The following COL20A1 variants were observed in gnomAD, a reference collection of about 807,000 sequenced individuals.
The protein encoded by COL20A1 is collagen type XX alpha 1 chain.
In COL20A1, 164 loss-of-function variants were observed where a neutral mutation model predicts 152.9. The ratio of observed to expected loss-of-function variants is 1.07; its 90% CI spans 0.94 to 1.22. The LOEUF is 1.22. Ranked by LOEUF, COL20A1 falls within the 50% of genes most tolerant of loss-of-function variation. The pLI, the probability that COL20A1 is intolerant of heterozygous loss-of-function variation, is 0.00. For synonymous variants in COL20A1, 864 were observed against 756.0 expected (o/e 1.14, Z -2.34); for missense variants, 1,873 against 1,744.8 (o/e 1.07, Z -1.31).
Position 63,319,954 on chromosome 20 carries a change from C to A in COL20A1, c.2917-85C>A. On this transcript the variant is annotated intron_variant, in intron 23 of 35. Coordinates refer to ENST00000358894, the MANE Select transcript of COL20A1 (RefSeq NM_020882.4). This position sits in a 1 kb window ranked among gnomAD's most constrained non-coding sequence, Gnocchi z 4.4. ...CCCCAGGTCCCAGGGATGGGTGTTA[C>A]TCCCCAGCCCTGGCCTGGCCTTGGG... 2 of 1,284,314 alleles carry A rather than the reference C, an allele frequency of 1.6e-6. No individual in the cohort carries two copies. Among genetic ancestry groups the A allele is most frequent in the Non-Finnish European group, 2.1e-6 (2 of 966,592 alleles). 79.6% of individuals were successfully genotyped at this position (1,284,314 alleles called of 1,614,324 possible).
chr20:63,320,980 T>A (rs1172924653), intron 25 of COL20A1, 33 bp from the exon 26 acceptor site: 5 of 1,475,424 alleles, frequency 3.4e-6, no homozygotes, highest in Non-Finnish European at 4.6e-6. Context: ...AGGGAGAGGG[T>A]CTCTCTAATG....
At chr20:63,310,899 C>T (rs960606154) in intron 11 of COL20A1, among the ~76,000 whole-genome samples, 3 of 152,144 alleles carry the variant, frequency 2.0e-5, no homozygotes, top group Admixed American at 1.3e-4. Context: ...ACACACCATA[C>T]AACCTGCCCA....
Position 63,313,058 on chromosome 20 carries a change from G to GCCC in COL20A1, c.2077-55_2077-53dup. 6.4e-7 allele frequency: 1 copy of GCCC among 1,565,392 alleles called. No individual in the cohort carries two copies. The highest frequency in any genetic ancestry group is 8.7e-7 in the Non-Finnish European group (1 of 1,154,576). On this transcript the variant is annotated intron_variant, in intron 16 of 35. Transcript: ENST00000358894. The surrounding 1 kb of genome is among the most constrained non-coding windows in gnomAD (Gnocchi z 5.9). ...TCTCCCAGGGATGCCTCACTGCCCG[G>GCCC]CCCCCCAACCTGAGGACCCCACTGC... is the stretch of plus-strand genomic sequence containing the variant.
chr20:63,323,133 C>T (rs1947294814), intron 27 of COL20A1, among the ~76,000 whole-genome samples: 1 of 152,284 alleles, frequency 6.6e-6, no homozygotes, highest in South Asian at 2.1e-4. Context: ...ATTTCTCTTC[C>T]AAGCAGCGTG....
chr20:63,321,960 G>A (rs2068170495), intron 26 of COL20A1, 98 bp from the exon 27 acceptor site: 1 of 957,474 alleles, frequency 1.0e-6, no homozygotes, highest in Non-Finnish European at 1.5e-6. Flanking sequence ...GGGGCATGGG[G>A]CTCAGGGTGG....
rs568269179 is a variant in COL20A1, at chr20:63,293,530, G to C, written c.-11+255G>C. On this transcript the variant is annotated intron_variant, in intron 1 of 35. Transcript: ENST00000358894. ...GGTCTCAGACAACATCCAGGGCTGT[G>C]GGGGAACGAGGAGGGTGCACATCGA... is the stretch of plus-strand genomic sequence containing the variant. 3.9e-5 allele frequency among the ~76,000 whole-genome samples: 6 copies of C among 152,262 alleles called. No homozygotes were observed. The East Asian group carries it at 1.2e-3, about 29-fold the overall frequency.
At chr20:63,301,037 G>A (rs2067856707) in intron 3 of COL20A1, among the ~76,000 whole-genome samples, 1 of 152,072 alleles carries the variant, frequency 6.6e-6, no homozygotes, top group South Asian at 2.1e-4. Context: ...CTTGCTGGCC[G>A]GGCGTGGTGG....
At chr20:63,328,862 T>A (rs1219948642) in intron 34 of COL20A1, among the ~76,000 whole-genome samples, 2 of 140,994 alleles carry the variant, frequency 1.4e-5, no homozygotes, top group Non-Finnish European at 3.1e-5. Flanking sequence ...CCCGCCCTCT[T>A]ATCCTCCTGG....
intron 19 of COL20A1, among the ~76,000 whole-genome samples, chr20:63,314,602 C>T (rs889717818): frequency 1.3e-5 from 2 of 152,124 alleles, no homozygotes; most frequent in Admixed American, 6.5e-5. Context: ...CCCTTGGGGA[C>T]GGGGTCCTCA....
At position 63,305,643 on chromosome 20, in the gene COL20A1, C is replaced by T. The variant is rs1477902818; in HGVS notation, c.337+83C>T. 4.0e-5 allele frequency: 57 copies of T among 1,439,108 alleles called. No homozygotes were observed. In the East Asian group the frequency reaches 7.6e-4, roughly 19 times the overall value. The allele number at this position is 1,439,108 out of a possible 1,614,324, so 89.1% of individuals were successfully genotyped here. On this transcript the variant is annotated intron_variant, in intron 4 of 35. Coordinates refer to ENST00000358894, the MANE Select transcript of COL20A1 (RefSeq NM_020882.4). The surrounding 1 kb of genome is among the most constrained non-coding windows in gnomAD (Gnocchi z 4.9). ...TCTGGGCTGGGGTCCCACCCTCCTCCAGGCTGCGTTCCAGCCCCAGGGGTG... is the reference window on the plus strand; with the variant it reads ...TCTGGGCTGGGGTCCCACCCTCCTCTAGGCTGCGTTCCAGCCCCAGGGGTG...
intron 35 of COL20A1, among the ~76,000 whole-genome samples, chr20:63,330,471 G>A (rs985885277): frequency 1.3e-5 from 2 of 152,144 alleles, no homozygotes; most frequent in African/African-American, 4.8e-5. Flanking sequence ...AGAGCCCAGG[G>A]CTAAGAACAA....
chr20:63,308,150 C>A (rs1440351154), intron 7 of COL20A1, 60 bp downstream of exon 7: 2 of 1,587,058 alleles, frequency 1.3e-6, no homozygotes, highest in East Asian at 4.5e-5. Flanking sequence ...TGCCGCCCTC[C>A]CAGATCCCGA....
intron 34 of COL20A1, among the ~76,000 whole-genome samples, chr20:63,328,823 G>A (rs1360397745): frequency 5.4e-5 from 3 of 55,296 alleles, no homozygotes; most frequent in Non-Finnish European, 1.2e-4. Context: ...CCGCCCTCCC[G>A]CCCTCCTGTC....
chr20:63,322,629 G>A (rs1313322454), intron 27 of COL20A1, among the ~76,000 whole-genome samples: 1 of 152,244 alleles, frequency 6.6e-6, no homozygotes, highest in Non-Finnish European at 1.5e-5. Context: ...TGAAGACAGC[G>A]CGCCCAGCGA....
chr20:63,301,745 A>G (rs1279773745), intron 3 of COL20A1, among the ~76,000 whole-genome samples: 1 of 152,094 alleles, frequency 6.6e-6, no homozygotes, highest in Non-Finnish European at 1.5e-5. Flanking sequence ...TGTTTGCATT[A>G]AATCTCCTTT....
At chr20:63,314,283 T>C in intron 19 of COL20A1, 82 bp downstream of exon 19, 1 of 1,300,718 alleles carries the variant, frequency 7.7e-7, no homozygotes, top group East Asian at 2.5e-5. Context: ...AGCTCCAGAC[T>C]CATCCAACCC....
Position 63,319,074 on chromosome 20 carries a change from C to A in COL20A1, c.2680C>A (p.Pro894Thr). 6.2e-7 allele frequency: 1 copy of A among 1,612,544 alleles called. No homozygotes were observed. Among genetic ancestry groups the A allele is most frequent in the South Asian group, 1.1e-5 (1 of 91,040 alleles). The stretch of plus-strand genomic sequence containing the variant: ...CCCCCACAGTGACGTCTACCCAGCC[C>A]CCCTACCTCCAGAGCACACCATCGT... ...TRRVSDVYPA[P>T]LPPEHTIVFL... Residue 894 changes from proline to threonine, a missense_variant, in exon 22 of 36, where the codon CCC (proline) becomes ACC (threonine). Coordinates refer to ENST00000358894, the MANE Select transcript of COL20A1 (RefSeq NM_020882.4). This position sits in a 1 kb window ranked among gnomAD's most constrained non-coding sequence, Gnocchi z 4.4.
At chr20:63,329,422 C>G in intron 34 of COL20A1, 163 bp from the exon 35 acceptor site, 1 of 618,350 alleles carries the variant, frequency 1.6e-6, no homozygotes, top group Non-Finnish European at 2.9e-6. Flanking sequence ...GTGTGGAGCA[C>G]GGGGACCTGG....
Position 63,319,229 on chromosome 20 carries a change from A to G in COL20A1, c.2806+29A>G, listed in dbSNP as rs1244665556. 1 of 1,602,848 alleles carries G rather than the reference A, an allele frequency of 6.2e-7. No homozygotes were observed. Among genetic ancestry groups the G allele is most frequent in the South Asian group, 1.1e-5 (1 of 89,564 alleles). Reference sequence around the variant, plus strand: ...ACGTGGGCCCCGCGTCGCCCCCAGCAGTCAGGAGGAGTAGGGGCAGGGAGG... The same window carrying G: ...ACGTGGGCCCCGCGTCGCCCCCAGCGGTCAGGAGGAGTAGGGGCAGGGAGG... On this transcript the variant is annotated intron_variant, in intron 22 of 35. Coordinates refer to ENST00000358894, the MANE Select transcript of COL20A1 (RefSeq NM_020882.4). The surrounding 1 kb of genome is among the most constrained non-coding windows in gnomAD (Gnocchi z 4.4).
Sources: allele counts gnomAD v4.1 joint callset (sites outside exome capture counted in the v4.1 genomes callset), GRCh38; gene constraint gnomAD v4.1.1; non-coding constraint Gnocchi (gnomAD v3.1); transcripts MANE v1.5; gene names NCBI Gene and HGNC (gene_info 2026-07-23, HGNC 2026-07-21).